The following KMT2C variants were observed in gnomAD, a reference collection of about 807,000 sequenced individuals.
The protein encoded by KMT2C is histone-lysine N-methyltransferase 2C.
Under a neutral mutation model 507.9 loss-of-function variants are expected in KMT2C, and 88 were observed. The ratio of observed to expected loss-of-function variants is 0.17; its 90% CI spans 0.15 to 0.21. KMT2C has a LOEUF of 0.21. Among genes scored for constraint, KMT2C ranks in the 10% least tolerant of loss-of-function variants. The pLI is 1.00. For synonymous variants in KMT2C, 2,049 were observed against 2,080.8 expected (o/e 0.98, Z 0.42); for missense variants, 4,954 against 5,957.8 (o/e 0.83, Z 5.55).
At chr7:152,419,535 AT>A (rs2097766298) in intron 1 of KMT2C, among the ~76,000 whole-genome samples, 1 of 152,230 alleles carries the variant, frequency 6.6e-6, no homozygotes, top group Admixed American at 6.5e-5. Context: ...CATGCAAAAA[AT>A]CATTAGTTCC....
intron 42 of KMT2C, 122 bp from the exon 43 acceptor site, chr7:152,163,948 A>G: frequency 2.3e-6 from 2 of 871,562 alleles, no homozygotes; most frequent in Non-Finnish European, 3.6e-6. Flanking sequence ...AAGCAAACAT[A>G]TTTTGCTTGG....
intron 26 of KMT2C, among the ~76,000 whole-genome samples, chr7:152,201,283 T>TACAGAC (rs1379801965): frequency 4.7e-5 from 6 of 127,108 alleles, no homozygotes; most frequent in Admixed American, 2.4e-4. Flanking sequence ...ATGTCACACA[T>TACAGAC]ACAGACACAG....
At chr7:152,351,561 T>C (rs1209875279) in intron 2 of KMT2C, among the ~76,000 whole-genome samples, 1 of 152,194 alleles carries the variant, frequency 6.6e-6, no homozygotes, top group Non-Finnish European at 1.5e-5. Context: ...TTCTCAACAG[T>C]AACAATTGTA....
chr7:152,311,149 GCAAA>G (rs758058180), intron 5 of KMT2C, among the ~76,000 whole-genome samples: 4 of 152,108 alleles, frequency 2.6e-5, no homozygotes, highest in Non-Finnish European at 4.4e-5. Flanking sequence ...TTTATATAAA[GCAAA>G]CAAAGTATTA....
chr7:152,395,294 C>A (rs1282513938), intron 1 of KMT2C, among the ~76,000 whole-genome samples: 1 of 151,902 alleles, frequency 6.6e-6, no homozygotes, highest in Non-Finnish European at 1.5e-5. Context: ...AAGTAATCCT[C>A]CCATCTCGAC....
At chr7:152,139,071 A>ATGTT (rs2129089431) in intron 57 of KMT2C, 115 bp downstream of exon 57, 2 of 1,072,592 alleles carry the variant, frequency 1.9e-6, no homozygotes, top group East Asian at 2.4e-5. Flanking sequence ...TTTGCTCTGA[A>ATGTT]TGTTTAGTCA....
chr7:152,296,155 G>A (rs184887118), intron 6 of KMT2C, among the ~76,000 whole-genome samples: 3 of 151,884 alleles, frequency 2.0e-5, no homozygotes, highest in African/African-American at 4.8e-5. Context: ...GGGGCAGGGC[G>A]TGGTGGCTCA....
intron 1 of KMT2C, among the ~76,000 whole-genome samples, chr7:152,427,342 T>C (rs2097828808): frequency 6.6e-6 from 1 of 152,192 alleles, no homozygotes; most frequent in Admixed American, 6.5e-5. Context: ...TTATGTATTC[T>C]TCCCAATCTT....
intron 3 of KMT2C, among the ~76,000 whole-genome samples, chr7:152,317,203 C>G (rs141118387): frequency 2.6e-5 from 4 of 152,060 alleles, no homozygotes; most frequent in African/African-American, 9.6e-5. Flanking sequence ...AGAAATTTTG[C>G]CAGACAACAG....
At chr7:152,253,514 CAAAAAAAAAAAAAAAAAA>C (rs71198770) in intron 9 of KMT2C, among the ~76,000 whole-genome samples, 5 of 39,510 alleles carry the variant, frequency 1.3e-4, no homozygotes, top group African/African-American at 3.9e-4. Flanking sequence ...TCTTTCTCTA[CAAAAAAAAAAAAAAAAAA>C]AAAAAAAAAA....
intron 23 of KMT2C, among the ~76,000 whole-genome samples, chr7:152,209,390 G>A (rs2094397898): frequency 6.7e-6 from 1 of 148,428 alleles, no homozygotes; most frequent in Non-Finnish European, 1.5e-5. Context: ...CTGGGAGGCA[G>A]AGCTTGCAGT....
chr7:152,215,623 T>G (rs2094557231), intron 23 of KMT2C, among the ~76,000 whole-genome samples: 1 of 150,072 alleles, frequency 6.7e-6, no homozygotes, highest in Non-Finnish European at 1.5e-5. Flanking sequence ...AAGGAATATT[T>G]GCAGCCATAA....
intron 6 of KMT2C, among the ~76,000 whole-genome samples, chr7:152,306,765 G>A (rs979908403): frequency 2.0e-5 from 3 of 152,164 alleles, no homozygotes; most frequent in African/African-American, 7.2e-5. Context: ...CAACAAATGT[G>A]TTGTTTTATG....
chr7:152,333,145 G>A (rs2096899891), intron 2 of KMT2C, among the ~76,000 whole-genome samples: 3 of 151,974 alleles, frequency 2.0e-5, no homozygotes, highest in African/African-American at 7.3e-5. Context: ...TCCTGGGGTT[G>A]GGTGGTTGTT....
intron 23 of KMT2C, among the ~76,000 whole-genome samples, chr7:152,209,243 T>A (rs2094393304): frequency 6.7e-6 from 1 of 150,042 alleles, no homozygotes; most frequent in African/African-American, 2.5e-5. Flanking sequence ...GATCACGAGG[T>A]CAGGAGATCG....
intron 2 of KMT2C, among the ~76,000 whole-genome samples, chr7:152,347,008 TC>T (rs1194284133): frequency 6.6e-6 from 1 of 151,792 alleles, no homozygotes; most frequent in Non-Finnish European, 1.5e-5. Context: ...GTGCCTATAA[TC>T]CCAGCTCAGG....
chr7:152,141,712 C>CAAAA (rs1249621681), intron 55 of KMT2C, among the ~76,000 whole-genome samples: 16 of 61,880 alleles, frequency 2.6e-4, no homozygotes, highest in African/African-American at 8.1e-4. Flanking sequence ...GACTCTGTCT[C>CAAAA]AAAAAAAAAA....
chr7:152,294,624 C>T (rs1290513678), intron 6 of KMT2C, among the ~76,000 whole-genome samples: 1 of 151,864 alleles, frequency 6.6e-6, no homozygotes, highest in Non-Finnish European at 1.5e-5. Context: ...ACAGCAAGAT[C>T]CCTCTCTGCC....
At chr7:152,169,402 T>C (rs2092863843) in intron 40 of KMT2C, among the ~76,000 whole-genome samples, 153 bp from the exon 41 acceptor site, 1 of 152,158 alleles carries the variant, frequency 6.6e-6, no homozygotes, top group Admixed American at 6.5e-5. Context: ...AAAAGTAGAG[T>C]GAATTTAGTG....
Sources: allele counts gnomAD v4.1 joint callset (sites outside exome capture counted in the v4.1 genomes callset), GRCh38; gene constraint gnomAD v4.1.1; transcripts MANE v1.5; gene names NCBI Gene and HGNC (gene_info 2026-07-23, HGNC 2026-07-21).